Variants in UBTD2 observed in about 807,000 individuals in gnomAD.
UBTD2 encodes the protein ubiquitin domain-containing protein 2.
Under a neutral mutation model 19.8 loss-of-function variants are expected in UBTD2, and 9 were observed. The observed-to-expected ratio is 0.46, with a 90% CI of 0.27 to 0.79. The LOEUF (loss-of-function observed/expected upper bound fraction) is 0.79. Among genes scored for constraint, UBTD2 ranks in the 30% least tolerant of loss-of-function variants. The pLI is 0.14. For missense variants in UBTD2, 250 were observed against 300.4 expected (o/e 0.83, Z 1.24); for synonymous variants, 98 against 103.9 (o/e 0.94, Z 0.35).
chr5:172,226,563 C>T (rs138814879), intron 2 of UBTD2, among the ~76,000 whole-genome samples: 255 of 152,340 alleles, frequency 1.7e-3, no homozygotes, highest in African/African-American at 5.7e-3. Flanking sequence ...GCAACACTCA[C>T]CAACAGCAAT....
At chr5:172,275,330 T>C (rs1178806780) in intron 1 of UBTD2, among the ~76,000 whole-genome samples, 4 of 152,164 alleles carry the variant, frequency 2.6e-5, no homozygotes, top group Non-Finnish European at 2.9e-5. Flanking sequence ...ACGTGGAGAT[T>C]ATGAAAACTA....
intron 1 of UBTD2, among the ~76,000 whole-genome samples, chr5:172,259,245 C>T (rs1332681916): frequency 3.9e-5 from 6 of 151,986 alleles, no homozygotes; most frequent in South Asian, 2.1e-4. Context: ...TGGGTTCAAG[C>T]GATTCTCCTG....
rs11955867 is a variant in UBTD2 at position 172,262,507 on chromosome 5, G to T, written c.70+21089C>A. ...ATGAAGATTCTTCAAAAATAAAAAT[G>T]TACAATAAAATCTATCATTAACAGC... On this transcript the variant is annotated intron_variant, in intron 1 of 2. Transcript: ENST00000393792. Among the ~76,000 whole-genome samples, 653 of 141,706 alleles carry T rather than the reference G, an allele frequency of 4.6e-3. 4 individuals carry two copies. The highest frequency in any genetic ancestry group is 0.017 in the African/African-American group (633 of 37,798). 93.0% of individuals were successfully genotyped at this position (141,706 alleles called of 152,430 possible).
chr5:172,246,441 C>CTTTTTT (rs36037402), intron 1 of UBTD2, among the ~76,000 whole-genome samples: 9 of 85,092 alleles, frequency 1.1e-4, no homozygotes, highest in East Asian at 4.0e-4. Context: ...ATTGAGATTG[C>CTTTTTT]TTTTTTTTTT....
intron 1 of UBTD2, among the ~76,000 whole-genome samples, chr5:172,241,715 A>T (rs1772131842): frequency 6.6e-6 from 1 of 152,072 alleles, no homozygotes. Context: ...AAGTTTTTTT[A>T]AAAAGAAGTA....
chr5:172,257,404 G>A lies in UBTD2; in HGVS notation c.71-23046C>T, dbSNP rs114608088. 5.4e-3 allele frequency among the ~76,000 whole-genome samples: 821 copies of A among 152,250 alleles called. 9 individuals carry two copies. The highest frequency in any genetic ancestry group is 0.018 in the African/African-American group (767 of 41,542). On this transcript the variant is annotated intron_variant, in intron 1 of 2. Transcript: ENST00000393792. ...TCCACTGATGATGGACATCTACGTC[G>A]ATTCCATGTCTTTGCTATTGGGAAT...
At chr5:172,278,917 G>A (rs1452493044) in intron 1 of UBTD2, among the ~76,000 whole-genome samples, 7 of 152,062 alleles carry the variant, frequency 4.6e-5, no homozygotes, top group Admixed American at 4.6e-4. Context: ...TGGGATTACA[G>A]GCACTCGCCA....
intron 1 of UBTD2, among the ~76,000 whole-genome samples, chr5:172,235,609 G>C (rs1771992462): frequency 6.6e-6 from 1 of 152,178 alleles, no homozygotes; most frequent in Non-Finnish European, 1.5e-5. Flanking sequence ...CAGAGGGCAA[G>C]TGGCAGCATC....
chr5:172,230,322 C>A (rs577588233), intron 2 of UBTD2, among the ~76,000 whole-genome samples: 13 of 151,762 alleles, frequency 8.6e-5, no homozygotes, highest in Non-Finnish European at 1.3e-4. Flanking sequence ...AGTGAAACTC[C>A]GTCTCAAAGT....
chr5:172,282,277 T>G (rs187038343), intron 1 of UBTD2, among the ~76,000 whole-genome samples: 140 of 152,316 alleles, frequency 9.2e-4, no homozygotes, highest in African/African-American at 3.1e-3. Context: ...ACTGAGGATC[T>G]CAATATGCCA....
At chr5:172,269,490 CAAA>C (rs373193759) in intron 1 of UBTD2, among the ~76,000 whole-genome samples, 6 of 73,176 alleles carry the variant, frequency 8.2e-5, no homozygotes, top group Admixed American at 4.7e-4. Context: ...GGCCCTGTCT[CAAA>C]AAAAAAAAAA....
At chr5:172,229,217 T>G (rs1196736521) in intron 2 of UBTD2, among the ~76,000 whole-genome samples, 1 of 151,834 alleles carries the variant, frequency 6.6e-6, no homozygotes, top group African/African-American at 2.4e-5. Context: ...AGGAGAGCTT[T>G]TGGCCGGGCG....
intron 1 of UBTD2, among the ~76,000 whole-genome samples, chr5:172,258,861 G>A (rs565226156): frequency 4.6e-5 from 7 of 152,234 alleles, no homozygotes; most frequent in South Asian, 2.1e-4. Context: ...AGACTAGGGG[G>A]TTTTCTAGGT....
At chr5:172,245,711 CAA>C (rs201413159) in intron 1 of UBTD2, among the ~76,000 whole-genome samples, 24 of 132,138 alleles carry the variant, frequency 1.8e-4, no homozygotes, top group Admixed American at 2.3e-4. Context: ...GACACTGACT[CAA>C]AAAAAAAAAA....
intron 1 of UBTD2, among the ~76,000 whole-genome samples, chr5:172,273,029 A>T (rs1161027076): frequency 6.7e-6 from 1 of 149,494 alleles, no homozygotes; most frequent in Non-Finnish European, 1.5e-5. Flanking sequence ...GTGAGCCAAG[A>T]TCGTGCCACT....
chr5:172,212,756 C>T (rs1771475793), intron 2 of UBTD2, among the ~76,000 whole-genome samples: 1 of 151,996 alleles, frequency 6.6e-6, no homozygotes, highest in East Asian at 1.9e-4. Context: ...CCTCTGCCTC[C>T]TGGGTTCCAG....
chr5:172,273,596 A>AC (rs1233843513), intron 1 of UBTD2, among the ~76,000 whole-genome samples: 1 of 85,744 alleles, frequency 1.2e-5, no homozygotes, highest in East Asian at 3.2e-4. Flanking sequence ...GTCTCAAAAA[A>AC]AAAAAAAAAA....
At chr5:172,248,070 A>G (rs576323382) in intron 1 of UBTD2, among the ~76,000 whole-genome samples, 2 of 152,344 alleles carry the variant, frequency 1.3e-5, no homozygotes, top group East Asian at 3.9e-4. Flanking sequence ...CAATGAATGG[A>G]CCAAAAAAGA....
chr5:172,283,794 C>A, upstream of UBTD2: 1 of 509,380 alleles, frequency 2.0e-6, no homozygotes, highest in Non-Finnish European at 2.6e-6. The surrounding 1 kb of genome is among the most constrained non-coding windows in gnomAD (Gnocchi z 4.3). Flanking sequence ...CCCGCCGCGG[C>A]CCAGCCTCCG....
Sources: allele counts gnomAD v4.1 joint callset (sites outside exome capture counted in the v4.1 genomes callset), GRCh38; gene constraint gnomAD v4.1.1; non-coding constraint Gnocchi (gnomAD v3.1); transcripts MANE v1.5; gene names NCBI Gene and HGNC (gene_info 2026-07-23, HGNC 2026-07-21).